Variants in SEPTIN6 observed in about 807,000 individuals in gnomAD.
SEPTIN6 encodes septin 6.
In SEPTIN6, 8 loss-of-function variants were observed where a neutral mutation model predicts 33.6. The ratio of observed to expected loss-of-function variants is 0.24; its 90% CI spans 0.14 to 0.43. The LOEUF (loss-of-function observed/expected upper bound fraction) is 0.43, where lower values mean the gene tolerates loss of function less well. SEPTIN6 is among the 20% of genes least tolerant of loss of function. The pLI, the probability that SEPTIN6 is intolerant of heterozygous loss-of-function variation, is 1.00. For missense variants in SEPTIN6, 250 were observed against 340.8 expected (o/e 0.73, Z 2.10); for synonymous variants, 131 against 140.0 (o/e 0.94, Z 0.45).
intron 5 of SEPTIN6, among the ~76,000 whole-genome samples, chrX:119,644,500 G>T (rs139160100): frequency 9.0e-6 from 1 of 111,444 alleles, no homozygotes; most frequent in African/African-American, 3.3e-5. Flanking sequence ...CCTTCTTGCC[G>T]CATCCTCACA....
chrX:119,631,933 T>C (rs949645231), intron 8 of SEPTIN6, among the ~76,000 whole-genome samples: 4 of 108,764 alleles, frequency 3.7e-5, no homozygotes, highest in Admixed American at 1.0e-4. Context: ...TGGCTAATTT[T>C]TGTATTTTTA....
intron 6 of SEPTIN6, 44 bp from the exon 7 acceptor site, chrX:119,637,239 G>A (rs1281820500): frequency 6.2e-6 from 7 of 1,136,774 alleles, no homozygotes; most frequent in Non-Finnish European, 8.4e-6. Context: ...TTGAAAGGAA[G>A]GCCAGCAGAA....
intron 1 of SEPTIN6, among the ~76,000 whole-genome samples, chrX:119,679,608 C>A (rs1220280570): frequency 9.0e-6 from 1 of 111,494 alleles, no homozygotes; most frequent in East Asian, 2.8e-4. Context: ...GCCTGTAATC[C>A]CAGCACTTTG....
intron 7 of SEPTIN6, 67 bp from the exon 8 acceptor site, chrX:119,633,559 A>G (rs759877173): frequency 4.3e-4 from 484 of 1,124,677 alleles, no homozygotes; most frequent in Non-Finnish European, 5.3e-4. Flanking sequence ...ACTGGCCCCA[A>G]AGATCCTCAC....
intron 2 of SEPTIN6, among the ~76,000 whole-genome samples, chrX:119,664,840 C>CAAAAA (rs1199498493): frequency 5.6e-5 from 2 of 35,827 alleles, no homozygotes; most frequent in East Asian, 8.6e-4. Context: ...GACTCCATCT[C>CAAAAA]AAAAAAAAAA....
chrX:119,669,903 A>G (rs142164191), intron 2 of SEPTIN6, among the ~76,000 whole-genome samples: 3,508 of 111,649 alleles, frequency 0.031, 131 homozygotes, highest in African/African-American at 0.11. Context: ...ACAGAGCCCA[A>G]TTGAGCCTGG....
chrX:119,669,190 G>A (rs909972257), intron 2 of SEPTIN6, among the ~76,000 whole-genome samples: 1 of 113,304 alleles, frequency 8.8e-6, no homozygotes, highest in African/African-American at 3.2e-5. Context: ...GCCGACGCTG[G>A]AGTCCATGCT....
chrX:119,635,052 T>C lies in SEPTIN6; in HGVS notation c.957-1560A>G, dbSNP rs183808438. 274 of 254,069 alleles carry C rather than the reference T, an allele frequency of 1.1e-3. 1 individual carries two copies. The highest frequency in any genetic ancestry group is 7.9e-3 in the African/African-American group (248 of 31,489). The allele number at this position is 254,069 out of a possible 1,213,427, so 20.9% of individuals were successfully genotyped here. ...AGAAAGAAAAGAAAAGAAGAAGTGA[T>C]AGGATCTTAATGTTAAGGGCTGGGA... On this transcript the variant is annotated intron_variant, in intron 7 of 10. Coordinates refer to ENST00000394610, the MANE Select transcript of SEPTIN6 (RefSeq NM_145799.4).
At position 119,663,525 on chromosome X, in the gene SEPTIN6, C is replaced by G; in HGVS notation, c.298G>C (p.Val100Leu). The change falls in exon 3 of 11, where the codon GTT becomes CTT. Residue 100 changes from valine to leucine, a missense_variant. Val to Leu is a conservative substitution (Grantham distance 32, BLOSUM62 1). Coordinates refer to ENST00000394610, the MANE Select transcript of SEPTIN6 (RefSeq NM_145799.4). The stretch of plus-strand genomic sequence containing the variant: ...TGGTCCCCAAAGCCAACTGTGCTAA[C>G]GATCGTGAGCTTTAGCCTCACGTTG... ...ESNVRLKLTI[V>L]STVGFGDQIN... is the part of the protein sequence containing the mutation. 9.8e-7 allele frequency: 1 copy of G among 1,024,351 alleles called. No homozygotes were observed. Among genetic ancestry groups the G allele is most frequent in the Non-Finnish European group, 1.3e-6 (1 of 779,530 alleles). The allele number at this position is 1,024,351 out of a possible 1,213,427, so 84.4% of individuals were successfully genotyped here. A position where few individuals can be genotyped will look rare whatever the true frequency, so the allele number is the denominator to read the frequency against.
intron 1 of SEPTIN6, among the ~76,000 whole-genome samples, chrX:119,692,353 C>T (rs2055188125): frequency 9.2e-6 from 1 of 108,856 alleles, no homozygotes; most frequent in Non-Finnish European, 1.9e-5. Context: ...ACAAATGAGA[C>T]CCAGAGGCAC....
chrX:119,634,672 G>A (rs1284573610), intron 7 of SEPTIN6, among the ~76,000 whole-genome samples: 4 of 111,672 alleles, frequency 3.6e-5, no homozygotes, highest in African/African-American at 9.8e-5. Context: ...CATTCCGGCT[G>A]TGCTGTGGGA....
downstream of SEPTIN6, chrX:119,616,414 TAC>T: frequency 2.3e-6 from 1 of 428,453 alleles, no homozygotes; most frequent in Non-Finnish European, 4.3e-6. Context: ...CCCAGTCACT[TAC>T]ACTTGGGTGA....
chrX:119,635,359 G>A (rs1352003713), intron 7 of SEPTIN6, among the ~76,000 whole-genome samples: 1 of 111,002 alleles, frequency 9.0e-6, no homozygotes, highest in Non-Finnish European at 1.9e-5. Context: ...ACTTCTAGGT[G>A]GTAATTAGGG....
At chrX:119,626,352 T>C (rs1042940627) in intron 9 of SEPTIN6, among the ~76,000 whole-genome samples, 1 of 111,887 alleles carries the variant, frequency 8.9e-6, no homozygotes, top group Non-Finnish European at 1.9e-5. Context: ...ATAGTTTCAT[T>C]GTAGCCTGAA....
chrX:119,653,605 A>C (rs746018522), intron 3 of SEPTIN6, among the ~76,000 whole-genome samples: 1 of 112,250 alleles, frequency 8.9e-6, no homozygotes, highest in Admixed American at 9.5e-5. Context: ...TGCCTAGATG[A>C]GAGCTGGGTA....
intron 1 of SEPTIN6, among the ~76,000 whole-genome samples, chrX:119,689,889 C>G (rs1569446493): frequency 9.1e-6 from 1 of 109,937 alleles, no homozygotes; most frequent in African/African-American, 3.3e-5. Flanking sequence ...CACCACCACG[C>G]CTGGCTAATT....
At chrX:119,645,051 G>A (rs2054226323) in intron 5 of SEPTIN6, among the ~76,000 whole-genome samples, 1 of 104,214 alleles carries the variant, frequency 9.6e-6, no homozygotes, top group African/African-American at 3.5e-5. Flanking sequence ...GGGATTACAG[G>A]TGCCTGCCAC....
intron 1 of SEPTIN6, among the ~76,000 whole-genome samples, 178 bp downstream of exon 1, chrX:119,692,898 C>T (rs111229848): frequency 1.8e-5 from 2 of 112,926 alleles, no homozygotes; most frequent in African/African-American, 6.4e-5. Flanking sequence ...GCGCCACCAC[C>T]GTTTTCCGGG....
intron 3 of SEPTIN6, among the ~76,000 whole-genome samples, chrX:119,660,113 G>T (rs1456558297): frequency 1.8e-5 from 2 of 112,297 alleles, no homozygotes; most frequent in African/African-American, 6.5e-5. Flanking sequence ...GGCCTCAAGT[G>T]ATCCACCCAC....
Sources: allele counts gnomAD v4.1 joint callset (sites outside exome capture counted in the v4.1 genomes callset), GRCh38; gene constraint gnomAD v4.1.1; transcripts MANE v1.5; gene names NCBI Gene and HGNC (gene_info 2026-07-23, HGNC 2026-07-21).